The following RIPOR2 variants were observed in gnomAD, a reference collection of about 807,000 sequenced individuals.
RIPOR2 encodes the protein rho family-interacting cell polarization regulator 2.
RIPOR2 carries 39 observed loss-of-function variants against 114.5 expected under a neutral mutation model. The ratio of observed to expected loss-of-function variants is 0.34; its 90% CI spans 0.26 to 0.44. RIPOR2 has a LOEUF of 0.44. Among genes scored for constraint, RIPOR2 ranks in the 20% least tolerant of loss-of-function variants. The pLI is 1.00. For missense variants in RIPOR2, 1,007 were observed against 1,255.1 expected (o/e 0.80, Z 2.99); for synonymous variants, 445 against 484.4 (o/e 0.92, Z 1.07).
chr6:24,943,649 T>G (rs548209536), intron 1 of RIPOR2, among the ~76,000 whole-genome samples: 2 of 151,666 alleles, frequency 1.3e-5, no homozygotes, highest in South Asian at 4.2e-4. Context: ...GAACAATGAG[T>G]TTTATGGCAT....
Position 24,843,399 on chromosome 6 carries a change from G to A in RIPOR2, c.1320C>T (p.Ile440=), listed in dbSNP as rs201450707. The A allele has an allele frequency of 1.9e-6, 3 of 1,613,888 alleles. No homozygotes were observed. The African/African-American group carries it at 4.0e-5, about 22-fold the overall frequency. The change falls in exon 13 of 22, where the codon ATC becomes ATT. Residue 440 remains isoleucine (I), a synonymous_variant. Transcript: ENST00000643898. ...PSNSTNPEIT[I]TPAEFNLSSL... ...TGCTGAGGTTAAACTCCGCAGGGGTGATGGTAATTTCTGGATTTGTTGAGT... is the reference window on the plus strand; with the variant it reads ...TGCTGAGGTTAAACTCCGCAGGGGTAATGGTAATTTCTGGATTTGTTGAGT...
intron 18 of RIPOR2, among the ~76,000 whole-genome samples, chr6:24,826,901 ATT>A (rs147841757): frequency 2.5e-4 from 37 of 149,260 alleles, no homozygotes; most frequent in African/African-American, 7.4e-4. Flanking sequence ...CTCTGTTTAC[ATT>A]TTTTTTTTTA....
intron 1 of RIPOR2, among the ~76,000 whole-genome samples, chr6:25,036,864 A>G (rs142019933): frequency 3.5e-4 from 53 of 152,254 alleles, no homozygotes; most frequent in African/African-American, 1.2e-3. Flanking sequence ...TCCCTAGTGT[A>G]TCTGTGTTGC....
intron 1 of RIPOR2, among the ~76,000 whole-genome samples, chr6:24,999,089 T>A (rs1300655619): frequency 6.6e-6 from 1 of 152,156 alleles, no homozygotes; most frequent in South Asian, 2.1e-4. Flanking sequence ...TTGATTTGGA[T>A]GTGAGACAGG....
intron 1 of RIPOR2, among the ~76,000 whole-genome samples, chr6:24,998,446 A>G (rs1401155928): frequency 1.3e-5 from 2 of 152,228 alleles, no homozygotes; most frequent in African/African-American, 4.8e-5. Flanking sequence ...CCCCCAAGGG[A>G]TATTTTTGGT....
At chr6:25,012,909 T>TA (rs963924883) in intron 1 of RIPOR2, among the ~76,000 whole-genome samples, 24 of 151,170 alleles carry the variant, frequency 1.6e-4, no homozygotes, top group African/African-American at 3.2e-4. Context: ...AAAGTTGTTT[T>TA]AAAAAAAAAC....
rs888518442 is a variant in RIPOR2 at position 24,830,621 on chromosome 6, C to G, written c.2394G>C (p.Lys798Asn). Residue 798 changes from lysine (K) to asparagine (N), a missense_variant, in exon 17 of 22, where the codon AAG (lysine) becomes AAC (asparagine). Physicochemically the swap from Lys to Asn is moderately conservative, Grantham distance 94 (BLOSUM62 0). Transcript: ENST00000643898. ...GGTAGACACCAACAGGGCTGCAGCA[C>G]TTGGTCCAGAATGACAGCAAAGACA... ...KKLSLLSFWT[K>N]CCSPVGVYHS... The G allele has an allele frequency of 3.9e-6, 6 of 1,551,574 alleles. No homozygotes were observed. The Admixed American group carries it at 1.2e-4, about 30-fold the overall frequency.
At chr6:25,036,026 A>G (rs1289573804) in intron 1 of RIPOR2, among the ~76,000 whole-genome samples, 1 of 151,940 alleles carries the variant, frequency 6.6e-6, no homozygotes, top group Non-Finnish European at 1.5e-5. Context: ...CAGACAGGAG[A>G]GCCCTCCTTC....
At chr6:24,932,453 C>T (rs1394467504) in intron 1 of RIPOR2, among the ~76,000 whole-genome samples, 1 of 152,046 alleles carries the variant, frequency 6.6e-6, no homozygotes, top group Non-Finnish European at 1.5e-5. Context: ...CTCTCTTTCT[C>T]TTTCTCTCTC....
chr6:25,033,346 C>A (rs1178290554), intron 1 of RIPOR2, among the ~76,000 whole-genome samples: 5 of 152,124 alleles, frequency 3.3e-5, no homozygotes, highest in Non-Finnish European at 5.9e-5. Flanking sequence ...AGTAGAAGCC[C>A]CTCCAAGGCA....
chr6:24,836,625 G>A (rs761016230), intron 14 of RIPOR2, among the ~76,000 whole-genome samples: 7 of 152,178 alleles, frequency 4.6e-5, no homozygotes, highest in Admixed American at 6.5e-5. Context: ...ACAGCTAGAC[G>A]GGACAGGGAA....
At chr6:24,940,832 T>C (rs1305842140), upstream of RIPOR2, among the ~76,000 whole-genome samples, 2 of 152,130 alleles carry the variant, frequency 1.3e-5, no homozygotes, top group African/African-American at 4.8e-5. Context: ...TTGTGTATTT[T>C]TAGTAGAGAC....
At chr6:24,885,428 T>C (rs1766744482) in intron 1 of RIPOR2, among the ~76,000 whole-genome samples, 1 of 151,960 alleles carries the variant, frequency 6.6e-6, no homozygotes, top group African/African-American at 2.4e-5. Context: ...GTTGCTATGC[T>C]GGCCAGGCTG....
At chr6:24,925,530 C>T (rs573178998) in intron 1 of RIPOR2, among the ~76,000 whole-genome samples, 4 of 152,138 alleles carry the variant, frequency 2.6e-5, no homozygotes, top group East Asian at 3.9e-4. Context: ...GGTGAAACCC[C>T]GTCTCTATTA....
At chr6:24,836,458 C>G (rs989467745) in intron 14 of RIPOR2, among the ~76,000 whole-genome samples, 3 of 152,180 alleles carry the variant, frequency 2.0e-5, no homozygotes, top group South Asian at 2.1e-4. Context: ...CCTTGTTGAA[C>G]TGTATGAAGT....
intron 1 of RIPOR2, among the ~76,000 whole-genome samples, chr6:24,997,654 A>T (rs1165878849): frequency 3.3e-5 from 5 of 152,176 alleles, no homozygotes; most frequent in Non-Finnish European, 7.3e-5. Flanking sequence ...GTATATAACA[A>T]CCAAAAATGT....
At chr6:24,839,405 T>C in intron 13 of RIPOR2, 133 bp from the exon 14 acceptor site, 1 of 1,436,452 alleles carries the variant, frequency 7.0e-7, no homozygotes, top group Non-Finnish European at 9.2e-7. Context: ...ATTTAAAAAA[T>C]GCATTTAAAA....
chr6:24,832,024 T>C (rs1338139323), intron 16 of RIPOR2, among the ~76,000 whole-genome samples: 3 of 152,162 alleles, frequency 2.0e-5, no homozygotes, highest in African/African-American at 7.2e-5. Flanking sequence ...TGTTTCTGGG[T>C]CTGACTTCTG....
intron 7 of RIPOR2, among the ~76,000 whole-genome samples, chr6:24,865,099 C>T (rs1764451807): frequency 3.3e-5 from 5 of 152,156 alleles, no homozygotes; most frequent in Non-Finnish European, 7.3e-5. Context: ...AGGCACATGC[C>T]GCCACTCCCA....
Sources: allele counts gnomAD v4.1 joint callset (sites outside exome capture counted in the v4.1 genomes callset), GRCh38; gene constraint gnomAD v4.1.1; transcripts MANE v1.5; gene names NCBI Gene and HGNC (gene_info 2026-07-23, HGNC 2026-07-21).